The following RTKN2 variants were observed in gnomAD, a reference collection of about 807,000 sequenced individuals.
The protein encoded by RTKN2 is rhotekin 2.
Under a neutral mutation model 71.5 loss-of-function variants are expected in RTKN2, and 69 were observed. That is an observed-to-expected ratio of 0.96 (90% CI 0.79 to 1.18). The LOEUF is 1.18. Ranked by LOEUF, RTKN2 falls within the 50% of genes most tolerant of loss-of-function variation. RTKN2 has a pLI of 0.00. For missense variants in RTKN2, 724 were observed against 719.7 expected, an observed-to-expected ratio of 1.01 and a Z score of -0.07; for synonymous variants, 236 against 236.5, an observed-to-expected ratio of 1.00 and a Z score of 0.02.
At chr10:62,225,780 TTTTC>T (rs1371406378) in intron 6 of RTKN2, among the ~76,000 whole-genome samples, 2 of 146,550 alleles carry the variant, frequency 1.4e-5, no homozygotes, top group African/African-American at 5.2e-5. Context: ...CTGTATTTTC[TTTTC>T]TTTTTTTTTT....
chr10:62,237,485 T>C (rs974841578), intron 5 of RTKN2, among the ~76,000 whole-genome samples: 2 of 151,978 alleles, frequency 1.3e-5, no homozygotes, highest in Non-Finnish European at 2.9e-5. Flanking sequence ...TTAACCAATA[T>C]ATACATAGGC....
rs1841821772 is a variant in RTKN2, at chr10:62,218,271, C to A, written c.812G>T (p.Gly271Val). ...EESSFWLPLYGNMCCRLVAQP... is the reference protein window; with the variant it reads ...EESSFWLPLYVNMCCRLVAQP... Reference sequence around the variant, plus strand: ...GGCAACTAGTCGGCAGCACATGTTGCCATACAGGGGAAGCCAAAATGAAGA... The same window carrying A: ...GGCAACTAGTCGGCAGCACATGTTGACATACAGGGGAAGCCAAAATGAAGA... The change falls in exon 8 of 12, where the codon GGC (glycine) becomes GTC (valine). Residue 271 changes from glycine to valine, a missense_variant. Gly to Val is a moderately radical substitution (Grantham distance 109). Transcript: ENST00000373789. The A allele has an allele frequency of 3.1e-6, 5 of 1,612,300 alleles. No individual in the cohort carries two copies. Among genetic ancestry groups the A allele is most frequent in the Non-Finnish European group, 4.2e-6 (5 of 1,179,324 alleles).
chr10:62,219,731 T>C (rs527739519), intron 7 of RTKN2, among the ~76,000 whole-genome samples: 2 of 152,184 alleles, frequency 1.3e-5, no homozygotes, highest in East Asian at 3.9e-4. Context: ...GGAGGAGTGC[T>C]TGCACCCAGG....
intron 6 of RTKN2, among the ~76,000 whole-genome samples, chr10:62,224,578 AG>A (rs1424774592): frequency 6.6e-6 from 1 of 152,090 alleles, no homozygotes; most frequent in Non-Finnish European, 1.5e-5. Flanking sequence ...ATTCTGATGC[AG>A]GCAGAATGAA....
chr10:62,235,238 T>A (rs1261697162), intron 6 of RTKN2, among the ~76,000 whole-genome samples: 1 of 152,130 alleles, frequency 6.6e-6, no homozygotes, highest in Non-Finnish European at 1.5e-5. Context: ...AAAACAGTAT[T>A]TTTTCCAGAA....
In RTKN2 at chr10:62,230,759, C is replaced by T. The variant is rs954969445; in HGVS notation, c.686+5307G>A. The stretch of plus-strand genomic sequence containing the variant: ...TACTGGAAAGAGAGCCCCAGTGTAT[C>T]GTATTGGCTTTATAACTCACTGAGC... On this transcript the variant is annotated intron_variant, in intron 6 of 11. Coordinates refer to ENST00000373789, the MANE Select transcript of RTKN2 (RefSeq NM_145307.4). Among the ~76,000 whole-genome samples, 14 of 152,060 alleles carry T rather than the reference C, an allele frequency of 9.2e-5. No homozygotes were observed. In the South Asian group the frequency reaches 1.9e-3, roughly 20 times the overall value.
intron 5 of RTKN2, among the ~76,000 whole-genome samples, chr10:62,236,568 CCTT>C (rs1363398226): frequency 5.3e-5 from 8 of 152,040 alleles, no homozygotes; most frequent in African/African-American, 1.4e-4. Flanking sequence ...ATCCAGCAGT[CCTT>C]CTTCTGGGTT....
chr10:62,216,216 C>T (rs938308710), intron 9 of RTKN2, among the ~76,000 whole-genome samples: 1 of 151,996 alleles, frequency 6.6e-6, no homozygotes, highest in Non-Finnish European at 1.5e-5. Context: ...TACAACTTTA[C>T]ATTCTTCTTT....
chr10:62,228,777 A>C (rs967868167), intron 6 of RTKN2, among the ~76,000 whole-genome samples: 2 of 152,168 alleles, frequency 1.3e-5, no homozygotes, highest in African/African-American at 2.4e-5. Flanking sequence ...AAGAAAGGAA[A>C]CAGCAAACAC....
At chr10:62,241,434 T>C (rs938836907) in intron 3 of RTKN2, among the ~76,000 whole-genome samples, 3 of 152,220 alleles carry the variant, frequency 2.0e-5, no homozygotes, top group African/African-American at 7.2e-5. Flanking sequence ...TCTAACTCCA[T>C]ATATATCTGT....
At position 62,199,752 on chromosome 10, in the gene RTKN2, A is replaced by C; in HGVS notation, c.1294+2T>G. The C allele has an allele frequency of 6.4e-7, 1 of 1,567,272 alleles. No homozygotes were observed. Among genetic ancestry groups the C allele is most frequent in the East Asian group, 2.2e-5 (1 of 44,578 alleles). ...AGCTTAGAAAAGACAAACCCCACTT[A>C]CTCATATCATGGTAGACTGAGGTTG... On this transcript the variant is annotated splice_donor_variant, in intron 11 of 11. Coordinates refer to ENST00000373789, the MANE Select transcript of RTKN2 (RefSeq NM_145307.4). LOFTEE classifies it high-confidence loss of function.
chr10:62,203,384 G>C (rs1298069542), intron 10 of RTKN2, among the ~76,000 whole-genome samples: 1 of 144,858 alleles, frequency 6.9e-6, no homozygotes, highest in Non-Finnish European at 1.5e-5. Context: ...TTGCTCTATC[G>C]CCCAGGTTGG....
In RTKN2 at chr10:62,195,894, G is replaced by A. The variant is rs1589328532; in HGVS notation, c.*2014C>T. 1.0e-6 allele frequency: 1 copy of A among 985,234 alleles called. No homozygotes were observed. Among genetic ancestry groups the A allele is most frequent in the South Asian group, 4.7e-5 (1 of 21,278 alleles). The allele number at this position is 985,234 out of a possible 1,614,324, so 61.0% of individuals were successfully genotyped here. A position where few individuals can be genotyped will look rare whatever the true frequency, so the allele number is the denominator to read the frequency against. On this transcript the variant is annotated 3_prime_UTR_variant, in exon 12 of 12. Coordinates refer to ENST00000373789, the MANE Select transcript of RTKN2 (RefSeq NM_145307.4). Reference sequence around the variant, plus strand: ...CAGTCCTGTTTCAAAGTTCTACTCTGAGGGCACAACTGCTAGGTAATTTCT... The same window carrying A: ...CAGTCCTGTTTCAAAGTTCTACTCTAAGGGCACAACTGCTAGGTAATTTCT...
chr10:62,250,968 G>A (rs765756994), intron 2 of RTKN2, among the ~76,000 whole-genome samples: 15 of 152,176 alleles, frequency 9.9e-5, no homozygotes, highest in Admixed American at 2.6e-4. Context: ...ACCATTCTGA[G>A]TAGTGTAATG....
intron 10 of RTKN2, among the ~76,000 whole-genome samples, chr10:62,201,455 C>T (rs1196948807): frequency 2.0e-5 from 3 of 151,938 alleles, no homozygotes; most frequent in Non-Finnish European, 2.9e-5. Flanking sequence ...TACAAGGCTT[C>T]AAAGGTTGAT....
In RTKN2 at chr10:62,268,756, C is replaced by T. The variant is rs1044178432; in HGVS notation, c.-146G>A. On this transcript the variant is annotated 5_prime_UTR_variant, in exon 1 of 12. Coordinates refer to ENST00000373789, the MANE Select transcript of RTKN2 (RefSeq NM_145307.4). ...GGCCGGGGGCGCAGGAGGAGCCGGG[C>T]CGAAGCGCACGCGCAGTGGGCGCGC... is the stretch of plus-strand genomic sequence containing the variant. The T allele has an allele frequency of 3.0e-5, 24 of 796,306 alleles. No homozygotes were observed. The highest frequency in any genetic ancestry group is 1.2e-4 in the Admixed American group (4 of 33,044). 49.3% of individuals were successfully genotyped at this position (796,306 alleles called of 1,614,324 possible).
intron 2 of RTKN2, among the ~76,000 whole-genome samples, chr10:62,260,547 TG>T (rs1419826703): frequency 1.5e-4 from 23 of 152,094 alleles, no homozygotes; most frequent in Non-Finnish European, 2.6e-4. Flanking sequence ...TGTGTGTGTG[TG>T]TGTGTGTATA....
chr10:62,259,593 G>A (rs906414527), intron 2 of RTKN2, among the ~76,000 whole-genome samples: 2 of 151,890 alleles, frequency 1.3e-5, no homozygotes, highest in African/African-American at 2.4e-5. Flanking sequence ...ACTCTTTTGC[G>A]CTGGCTGGAG....
chr10:62,255,469 T>A (rs1402991955), intron 2 of RTKN2, among the ~76,000 whole-genome samples: 1 of 152,066 alleles, frequency 6.6e-6, no homozygotes, highest in Non-Finnish European at 1.5e-5. Flanking sequence ...TAAATGATAA[T>A]AAAACATTGA....
Sources: gnomAD v4.1 joint callset for allele counts (sites outside exome capture counted in the v4.1 genomes callset) on GRCh38, gnomAD v4.1.1 for gene constraint, MANE v1.5 for transcripts, NCBI Gene and HGNC (gene_info 2026-07-23, HGNC 2026-07-21) for gene names.